COL4A2: variants seen among roughly 807,000 people sequenced by gnomAD.
COL4A2 encodes collagen type IV alpha 2 chain.
Under a neutral mutation model 200.2 loss-of-function variants are expected in COL4A2, and 99 were observed. The observed-to-expected ratio is 0.49, with a 90% CI of 0.42 to 0.58. The LOEUF is 0.58. Ranked by LOEUF, COL4A2 falls within the 20% of genes least tolerant of loss-of-function variation. The pLI is 0.00. For missense variants in COL4A2, 1,950 were observed against 2,314.1 expected, an observed-to-expected ratio of 0.84 and a Z score of 3.23; for synonymous variants, 897 against 900.6, an observed-to-expected ratio of 1.00 and a Z score of 0.07.
chr13:110,469,986 C>T (rs1332736355), intron 28 of COL4A2, among the ~76,000 whole-genome samples: 1 of 146,298 alleles, frequency 6.8e-6, no homozygotes, highest in Non-Finnish European at 1.5e-5. Context: ...ACAATCTCAG[C>T]TCACTGCAAC....
intron 40 of COL4A2, among the ~76,000 whole-genome samples, chr13:110,500,062 C>A (rs1006902296): frequency 6.6e-6 from 1 of 152,176 alleles, no homozygotes; most frequent in South Asian, 2.1e-4. Context: ...AAATATTTAT[C>A]CTGCTGTTTG....
chr13:110,337,426 G>A (rs1309099183), intron 3 of COL4A2, among the ~76,000 whole-genome samples: 3 of 152,202 alleles, frequency 2.0e-5, no homozygotes, highest in Non-Finnish European at 2.9e-5. Context: ...GCGTTCCAGC[G>A]GCATCTGCCA....
chr13:110,367,230 T>G (rs1183540256), intron 4 of COL4A2, among the ~76,000 whole-genome samples: 1 of 152,218 alleles, frequency 6.6e-6, no homozygotes, highest in Non-Finnish European at 1.5e-5. Context: ...GAATAACTCT[T>G]AGAGGTTTGG....
At chr13:110,396,987 C>T (rs1879202791) in intron 4 of COL4A2, among the ~76,000 whole-genome samples, 1 of 152,206 alleles carries the variant, frequency 6.6e-6, no homozygotes, top group African/African-American at 2.4e-5. Context: ...GCCTCACTCT[C>T]CCTCCTGAGC....
chr13:110,446,905 C>T (rs1594218772), intron 18 of COL4A2, 41 bp downstream of exon 18: 1 of 1,537,138 alleles, frequency 6.5e-7, no homozygotes, highest in East Asian at 2.3e-5. Flanking sequence ...GCATCGCATA[C>T]ACATTCTCTC....
chr13:110,474,409 G>A (rs1263792750), intron 29 of COL4A2, among the ~76,000 whole-genome samples: 6 of 152,202 alleles, frequency 3.9e-5, no homozygotes. Flanking sequence ...AGCAAGGCCT[G>A]GAAGGGTTGG....
intron 20 of COL4A2, among the ~76,000 whole-genome samples, chr13:110,453,365 G>A (rs879322357): frequency 6.6e-5 from 10 of 152,108 alleles, no homozygotes; most frequent in East Asian, 1.9e-4. Context: ...GCCAAGTGCG[G>A]TGGTGCATGC....
intron 20 of COL4A2, chr13:110,456,815 C>T (rs966314005): frequency 6.3e-6 from 3 of 474,926 alleles, no homozygotes; most frequent in South Asian, 3.1e-5. Context: ...GTGCCGATGC[C>T]CTGCGTCTGC....
chr13:110,407,549 A>T (rs1879619189), intron 4 of COL4A2, among the ~76,000 whole-genome samples: 1 of 152,230 alleles, frequency 6.6e-6, no homozygotes, highest in Non-Finnish European at 1.5e-5. Flanking sequence ...TCACGTTTTT[A>T]CATTAGAAAG....
At chr13:110,479,699 G>A (rs1882828020) in intron 30 of COL4A2, among the ~76,000 whole-genome samples, 1 of 152,212 alleles carries the variant, frequency 6.6e-6, no homozygotes, top group African/African-American at 2.4e-5. Context: ...ACGGCTTGGA[G>A]TCGGGGGAGG....
In COL4A2 at chr13:110,465,321, G is replaced by A. The variant is rs3803237; in HGVS notation, c.1777-84G>A. The A allele has an allele frequency of 0.18, 272,494 of 1,481,516 alleles. 26,741 individuals carry two copies. Among genetic ancestry groups the A allele is most frequent in the Middle Eastern group, 0.3 (1,175 of 3,924 alleles). 91.8% of individuals were successfully genotyped at this position (1,481,516 alleles called of 1,614,324 possible). On this transcript the variant is annotated intron_variant, in intron 24 of 47. Coordinates refer to ENST00000360467, the MANE Select transcript of COL4A2 (RefSeq NM_001846.4). ...TTCTGGATCCATAGCTCAGAATTCC[G>A]GGAAATGGGAAAGGAAACAGGGAAG...
Position 110,475,015 on chromosome 13 carries a change from TACAC to T in COL4A2, c.2425+1870_2425+1873del, listed in dbSNP as rs1011737270. On this transcript the variant is annotated intron_variant, in intron 29 of 47. Coordinates refer to ENST00000360467, the MANE Select transcript of COL4A2 (RefSeq NM_001846.4). ...ACACTCACACATGATCGTACACTCA[TACAC>T]ACACGTACATACCCACTCGTGCCTA... Among the ~76,000 whole-genome samples the T allele has an allele frequency of 1.3e-4, 19 of 144,238 alleles. No individual in the cohort carries two copies. In the East Asian group the frequency reaches 1.5e-3, roughly 11 times the overall value. The allele number at this position is 144,238 out of a possible 152,430, so 94.6% of individuals were successfully genotyped here.
At chr13:110,364,978 C>T (rs1044803169) in intron 4 of COL4A2, among the ~76,000 whole-genome samples, 2 of 152,226 alleles carry the variant, frequency 1.3e-5, no homozygotes, top group Non-Finnish European at 2.9e-5. Flanking sequence ...CTGTTTACTT[C>T]TGTATTCCTG....
rs182875919 is a variant in COL4A2, at chr13:110,468,928, G to A, written c.2096-289G>A. Among the ~76,000 whole-genome samples the A allele has an allele frequency of 2.2e-4, 34 of 152,172 alleles. 1 individual carries two copies. The highest frequency in any genetic ancestry group is 7.7e-4 in the African/African-American group (32 of 41,502). On this transcript the variant is annotated intron_variant, in intron 27 of 47. Coordinates refer to ENST00000360467, the MANE Select transcript of COL4A2 (RefSeq NM_001846.4). ...CACGGTCACACAGATAGAATGGTAG[G>A]GCCAAAATTTATAGCCAAGCATCTG...
chr13:110,307,722 G>C lies in COL4A2; in HGVS notation c.-44-138G>C. ...GAGGCTCTCCTTCTTTCCGGGTCGT[G>C]GGGGGGACGGCCCTCCGGTCACCCC... On this transcript the variant is annotated intron_variant, in intron 1 of 47. Transcript: ENST00000360467. This position sits in a 1 kb window ranked among gnomAD's most constrained non-coding sequence, Gnocchi z 5.0. 1 of 764,396 alleles carries C rather than the reference G, an allele frequency of 1.3e-6. No homozygotes were observed. The highest frequency in any genetic ancestry group is 2.8e-5 in the East Asian group (1 of 35,828). 47.4% of individuals were successfully genotyped at this position (764,396 alleles called of 1,614,324 possible).
At chr13:110,347,980 T>G (rs1379789005) in intron 3 of COL4A2, among the ~76,000 whole-genome samples, 1 of 152,212 alleles carries the variant, frequency 6.6e-6, no homozygotes, top group Non-Finnish European at 1.5e-5. Flanking sequence ...ATTCCTCAGG[T>G]ATTCGTCTGG....
chr13:110,445,911 T>G (rs770637036), intron 17 of COL4A2, 29 bp downstream of exon 17: 14 of 1,613,550 alleles, frequency 8.7e-6, no homozygotes, highest in Non-Finnish European at 1.2e-5. Flanking sequence ...TCTTTGCCAC[T>G]TATGGTGTCT....
chr13:110,473,053 C>T lies in COL4A2; in HGVS notation c.2328C>T (p.Val776=). ...PPGERGLPGE[V]LGAQPGPRGD... Reference sequence around the variant, plus strand: ...GGGAAAGGGGCCTCCCTGGAGAAGTCCTGGGAGCTCAGCCCGGGCCACGGG... The same window carrying T: ...GGGAAAGGGGCCTCCCTGGAGAAGTTCTGGGAGCTCAGCCCGGGCCACGGG... Residue 776 remains valine, a synonymous_variant, in exon 29 of 48, where the codon GTC becomes GTT. Transcript: ENST00000360467. 4.6e-6 allele frequency: 7 copies of T among 1,526,398 alleles called. No individual in the cohort carries two copies. The highest frequency in any genetic ancestry group is 6.2e-6 in the Non-Finnish European group (7 of 1,136,908). The allele number at this position is 1,526,398 out of a possible 1,614,324, so 94.6% of individuals were successfully genotyped here. A position where few individuals can be genotyped will look rare whatever the true frequency, so the allele number is the denominator to read the frequency against.
intron 45 of COL4A2, 75 bp from the exon 46 acceptor site, chr13:110,506,340 A>T (rs1011811752): frequency 6.9e-7 from 1 of 1,446,724 alleles, no homozygotes; most frequent in Non-Finnish European, 9.3e-7. Context: ...TAGGTGCACC[A>T]GGCCGTCCAC....
Sources: allele counts gnomAD v4.1 joint callset (sites outside exome capture counted in the v4.1 genomes callset), GRCh38; gene constraint gnomAD v4.1.1; non-coding constraint Gnocchi (gnomAD v3.1); transcripts MANE v1.5; gene names NCBI Gene and HGNC (gene_info 2026-07-23, HGNC 2026-07-21).